The following ASB18 variants were observed in gnomAD, a reference collection of about 807,000 sequenced individuals.
ASB18 encodes ankyrin repeat and SOCS box containing 18.
A neutral mutation model predicts 33.4 loss-of-function variants in ASB18; 33 were observed. The observed-to-expected ratio is 0.99, with a 90% CI of 0.75 to 1.32. ASB18 has a LOEUF of 1.32. ASB18 is among the 40% of genes most tolerant of loss of function. ASB18 has a pLI of 0.00. For synonymous variants in ASB18, 295 were observed against 307.6 expected, an observed-to-expected ratio of 0.96 and a Z score of 0.43; for missense variants, 694 against 655.5, an observed-to-expected ratio of 1.06 and a Z score of -0.64.
rs1188623977 is a variant in ASB18 at position 236,211,434 on chromosome 2, C to A, written c.1101+2928G>T. Among the ~76,000 whole-genome samples the A allele has an allele frequency of 6.6e-6, 1 of 152,358 alleles. No individual in the cohort carries two copies. Among genetic ancestry groups the A allele is most frequent in the East Asian group, 1.9e-4 (1 of 5,184 alleles). Reference sequence around the variant, plus strand: ...GTGTCCGCCTGCCGCGACGATGGTGCCTTTGTCTGGGCATGGGGAGCTGTG... The same window carrying A: ...GTGTCCGCCTGCCGCGACGATGGTGACTTTGTCTGGGCATGGGGAGCTGTG... On this transcript the variant is annotated intron_variant, in intron 4 of 5. Coordinates refer to ENST00000409749, the MANE Select transcript of ASB18 (RefSeq NM_212556.4). This position sits in a 1 kb window ranked among gnomAD's most constrained non-coding sequence, Gnocchi z 5.0.
Position 236,196,401 on chromosome 2 carries a change from G to A in ASB18, c.1102-16C>T. On this transcript the variant is annotated splice_polypyrimidine_tract_variant and intron_variant, in intron 4 of 5. Transcript: ENST00000409749. The surrounding 1 kb of genome is among the most constrained non-coding windows in gnomAD (Gnocchi z 5.6). ...TCTTCAGCACCTGGTGGGAAGAGGT[G>A]AAAGACGCAGCGTAGGCCGACTGGG... 6.8e-7 allele frequency: 1 copy of A among 1,464,752 alleles called. No individual in the cohort carries two copies. Among genetic ancestry groups the A allele is most frequent in the Non-Finnish European group, 9.4e-7 (1 of 1,067,978 alleles). 90.7% of individuals were successfully genotyped at this position (1,464,752 alleles called of 1,614,324 possible).
chr2:236,216,121 C>G lies in ASB18; in HGVS notation c.597-1255G>C, dbSNP rs1447730320. Among the ~76,000 whole-genome samples, 1 of 152,216 alleles carries G rather than the reference C, an allele frequency of 6.6e-6. No homozygotes were observed. The highest frequency in any genetic ancestry group is 6.5e-5 in the Admixed American group (1 of 15,292). On this transcript the variant is annotated intron_variant, in intron 3 of 5. Coordinates refer to ENST00000409749, the MANE Select transcript of ASB18 (RefSeq NM_212556.4). The surrounding 1 kb of genome is among the most constrained non-coding windows in gnomAD (Gnocchi z 6.1). ...AAGCCGGAGTCCATTCTTCACCCCCCTCCTTTTCTCTGCGGGTCTGCCGAG... is the reference window on the plus strand; with the variant it reads ...AAGCCGGAGTCCATTCTTCACCCCCGTCCTTTTCTCTGCGGGTCTGCCGAG...
intron 1 of ASB18, among the ~76,000 whole-genome samples, chr2:236,258,411 A>G (rs2106286927): frequency 6.6e-6 from 1 of 152,356 alleles, no homozygotes; most frequent in African/African-American, 2.4e-5. Context: ...AGGTCACGGG[A>G]GAGCTTAGGC....
Position 236,253,842 on chromosome 2 carries a change from T to G in ASB18, c.205+10299A>C, listed in dbSNP as rs1403671324. The G allele has an allele frequency of 6.6e-6, 1 of 152,188 alleles. No homozygotes were observed. The allele number at this position is 152,188 out of a possible 1,614,324, so 9.4% of individuals were successfully genotyped here. On this transcript the variant is annotated intron_variant, in intron 1 of 5. Transcript: ENST00000409749. The surrounding 1 kb of genome is among the most constrained non-coding windows in gnomAD (Gnocchi z 5.4). ...CTTACTGTCAATTTCGGTCAAACAC[T>G]TCCCAGAGTGACTCCCACCTCCTAC...
At position 236,253,663 on chromosome 2, in the gene ASB18, C is replaced by T. The variant is rs1037869265; in HGVS notation, c.205+10478G>A. On this transcript the variant is annotated intron_variant, in intron 1 of 5. Coordinates refer to ENST00000409749, the MANE Select transcript of ASB18 (RefSeq NM_212556.4). This position sits in a 1 kb window ranked among gnomAD's most constrained non-coding sequence, Gnocchi z 5.4. ...TCAGCCTCCCAAAGTGCTGGGATTACAGGTCTGAGCTACTTCACCTGGTCT... is the reference window on the plus strand; with the variant it reads ...TCAGCCTCCCAAAGTGCTGGGATTATAGGTCTGAGCTACTTCACCTGGTCT... Among the ~76,000 whole-genome samples, 16 of 152,112 alleles carry T rather than the reference C, an allele frequency of 1.1e-4. No homozygotes were observed. Among genetic ancestry groups the T allele is most frequent in the African/African-American group, 3.9e-4 (16 of 41,420 alleles).
At position 236,215,566 on chromosome 2, in the gene ASB18, C is replaced by T. The variant is rs6431439; in HGVS notation, c.597-700G>A. On this transcript the variant is annotated intron_variant, in intron 3 of 5. Coordinates refer to ENST00000409749, the MANE Select transcript of ASB18 (RefSeq NM_212556.4). This position sits in a 1 kb window ranked among gnomAD's most constrained non-coding sequence, Gnocchi z 7.2. ...GGGAGCCTGCGGTCTTCCCCAGAGA[C>T]GAGTGTCTTCCTTCTGCTGCCTCCA... Among the ~76,000 whole-genome samples, 73,523 of 151,940 alleles carry T rather than the reference C, an allele frequency of 0.48. 22,007 individuals are homozygous for T. The highest frequency in any genetic ancestry group is 0.86 in the African/African-American group (35,653 of 41,460).
intron 1 of ASB18, among the ~76,000 whole-genome samples, chr2:236,258,606 A>C (rs2060703954): frequency 6.6e-6 from 1 of 152,176 alleles, no homozygotes; most frequent in African/African-American, 2.4e-5. Context: ...CTCCAGGCAT[A>C]AGGAAGGATG....
rs1295781962 is a variant in ASB18, at chr2:236,194,335, TCTTA to T, written c.*533_*536del. ...TCACCAAAAATTGGGTAAATAATTATCTTACTTGTTATTAATCTCTTTTAAAGGT... is the reference window on the plus strand; with the variant it reads ...TCACCAAAAATTGGGTAAATAATTATCTTGTTATTAATCTCTTTTAAAGGT... On this transcript the variant is annotated 3_prime_UTR_variant, in exon 6 of 6. Transcript: ENST00000409749. This position sits in a 1 kb window ranked among gnomAD's most constrained non-coding sequence, Gnocchi z 4.5. 2.0e-5 allele frequency among the ~76,000 whole-genome samples: 3 copies of T among 152,208 alleles called. No homozygotes were observed. Among genetic ancestry groups the T allele is most frequent in the Non-Finnish European group, 4.4e-5 (3 of 68,040 alleles).
intron 1 of ASB18, chr2:236,247,288 C>G (rs2060649671): frequency 6.8e-6 from 1 of 147,284 alleles, no homozygotes. Flanking sequence ...TTAAAACAAA[C>G]AAACCTGAAA....
chr2:236,201,791 C>T (rs2060404397), intron 4 of ASB18, among the ~76,000 whole-genome samples: 2 of 151,852 alleles, frequency 1.3e-5, no homozygotes, highest in Admixed American at 1.3e-4. Flanking sequence ...TCTTCTTTGG[C>T]ACATAAAGTT....
At position 236,256,516 on chromosome 2, in the gene ASB18, G is replaced by A. The variant is rs770408223; in HGVS notation, c.205+7625C>T. 3.3e-5 allele frequency among the ~76,000 whole-genome samples: 5 copies of A among 152,310 alleles called. No homozygotes were observed. The highest frequency in any genetic ancestry group is 6.8e-3 in the Middle Eastern group (2 of 294). On this transcript the variant is annotated intron_variant, in intron 1 of 5. Coordinates refer to ENST00000409749, the MANE Select transcript of ASB18 (RefSeq NM_212556.4). This position sits in a 1 kb window ranked among gnomAD's most constrained non-coding sequence, Gnocchi z 4.7. ...TTCCTTCGGAATGTTTACTTCTCAAGCAGAGCACTTGTGGCAGGAAACTGT... is the reference window on the plus strand; with the variant it reads ...TTCCTTCGGAATGTTTACTTCTCAAACAGAGCACTTGTGGCAGGAAACTGT...
chr2:236,208,788 G>A lies in ASB18; in HGVS notation c.1101+5574C>T, dbSNP rs1001365341. 2.6e-5 allele frequency among the ~76,000 whole-genome samples: 4 copies of A among 152,060 alleles called. No homozygotes were observed. Among genetic ancestry groups the A allele is most frequent in the East Asian group, 3.9e-4 (2 of 5,188 alleles). On this transcript the variant is annotated intron_variant, in intron 4 of 5. Transcript: ENST00000409749. The surrounding 1 kb of genome is among the most constrained non-coding windows in gnomAD (Gnocchi z 7.7). ...AGCTGGCTGCCTTCATTATTTTTAC[G>A]CCAACACAGTTTAAAAATCTCCGCG...
chr2:236,237,421 G>GA lies in ASB18; in HGVS notation c.596+267_596+268insT, dbSNP rs2060599293. ...GGCCGGGGCGCGGGGCGGGGGCCGG[G>GA]GCCGGGGCGCGGGGCGAGGGCCGGG... On this transcript the variant is annotated intron_variant, in intron 3 of 5. Coordinates refer to ENST00000409749, the MANE Select transcript of ASB18 (RefSeq NM_212556.4). The surrounding 1 kb of genome is among the most constrained non-coding windows in gnomAD (Gnocchi z 6.2). Among the ~76,000 whole-genome samples, 1 of 109,790 alleles carries GA rather than the reference G, an allele frequency of 9.1e-6. No individual in the cohort carries two copies. The highest frequency in any genetic ancestry group is 5.5e-5 in the African/African-American group (1 of 18,136). The allele number at this position is 109,790 out of a possible 152,430, so 72.0% of individuals were successfully genotyped here.
Position 236,241,321 on chromosome 2 carries a change from A to G in ASB18, c.287T>C (p.Met96Thr). 3 of 1,613,806 alleles carry G rather than the reference A, an allele frequency of 1.9e-6. No individual in the cohort carries two copies. The highest frequency in any genetic ancestry group is 1.6e-4 in the Middle Eastern group (1 of 6,062). Residue 96 changes from methionine to threonine, a missense_variant, in exon 2 of 6, where the codon ATG becomes ACG. Transcript: ENST00000409749. This position sits in a 1 kb window ranked among gnomAD's most constrained non-coding sequence, Gnocchi z 4.2. ...NVVFEINKDE[M>T]EWQVKSPATF... Reference sequence around the variant, plus strand: ...GGCTGGAGATTTCACCTGCCATTCCATCTCATCCTTATTGATCTCAAACAC... The same window carrying G: ...GGCTGGAGATTTCACCTGCCATTCCGTCTCATCCTTATTGATCTCAAACAC...
intron 4 of ASB18, among the ~76,000 whole-genome samples, chr2:236,201,796 A>G (rs996373155): frequency 1.3e-5 from 2 of 152,014 alleles, no homozygotes; most frequent in African/African-American, 4.8e-5. Context: ...TTTGGCACAT[A>G]AAGTTTATAA....
At chr2:236,236,986 A>G (rs56146026) in intron 3 of ASB18, among the ~76,000 whole-genome samples, 30,186 of 151,902 alleles carry the variant, frequency 0.2, 3,133 homozygotes, top group South Asian at 0.25. Context: ...CCTTTCCGAG[A>G]CCCGGAGCAC....
rs2106267740 is a variant in ASB18 at position 236,211,944 on chromosome 2, GC to G, written c.1101+2417del. ...CCTTATTTCCAAAGATTTAATGCAGGCCATGAGCCTGCAGTGGCTGGAATCC... is the reference window on the plus strand; with the variant it reads ...CCTTATTTCCAAAGATTTAATGCAGGCATGAGCCTGCAGTGGCTGGAATCC... On this transcript the variant is annotated intron_variant, in intron 4 of 5. Transcript: ENST00000409749. This position sits in a 1 kb window ranked among gnomAD's most constrained non-coding sequence, Gnocchi z 5.0. 6.6e-6 allele frequency among the ~76,000 whole-genome samples: 1 copy of G among 152,290 alleles called. No homozygotes were observed. The highest frequency in any genetic ancestry group is 1.5e-5 in the Non-Finnish European group (1 of 68,040).
rs1490252645 is a variant in ASB18 at position 236,222,280 on chromosome 2, T to C, written c.597-7414A>G. 2.0e-5 allele frequency among the ~76,000 whole-genome samples: 3 copies of C among 152,318 alleles called. No homozygotes were observed. The East Asian group carries it at 5.8e-4, about 29-fold the overall frequency. ...GACTATCAGACATAAATGTTTACAA[T>C]TGAAATGGCTGATGTGAATAGACAA... is the stretch of plus-strand genomic sequence containing the variant. On this transcript the variant is annotated intron_variant, in intron 3 of 5. Coordinates refer to ENST00000409749, the MANE Select transcript of ASB18 (RefSeq NM_212556.4). The surrounding 1 kb of genome is among the most constrained non-coding windows in gnomAD (Gnocchi z 5.5).
chr2:236,237,800 CCG>C lies in ASB18; in HGVS notation c.483_484del (p.Gly163ProfsTer238). 1 of 1,425,740 alleles carries C rather than the reference CCG, an allele frequency of 7.0e-7. No individual in the cohort carries two copies. The highest frequency in any genetic ancestry group is 1.4e-5 in the South Asian group (1 of 70,202). 88.3% of individuals were successfully genotyped at this position (1,425,740 alleles called of 1,614,324 possible). A position where few individuals can be genotyped will look rare whatever the true frequency, so the allele number is the denominator to read the frequency against. On this transcript the variant is annotated frameshift_variant, in exon 3 of 6. Transcript: ENST00000409749. LOFTEE classifies it high-confidence loss of function. This position sits in a 1 kb window ranked among gnomAD's most constrained non-coding sequence, Gnocchi z 6.2. Reference sequence around the variant, plus strand: ...CAGGCGGACGCAGGCGGTGTGGCCCCCGAGGCAGGCCTCGTGCAGGGCGCCGC... The same window carrying C: ...CAGGCGGACGCAGGCGGTGTGGCCCCAGGCAGGCCTCGTGCAGGGCGCCGC...
Sources: allele counts gnomAD v4.1 joint callset (sites outside exome capture counted in the v4.1 genomes callset), GRCh38; gene constraint gnomAD v4.1.1; non-coding constraint Gnocchi (gnomAD v3.1); transcripts MANE v1.5; gene names NCBI Gene and HGNC (gene_info 2026-07-23, HGNC 2026-07-21).